The following CDH2 variants were observed in gnomAD, a reference collection of about 807,000 sequenced individuals.
CDH2 encodes the protein cadherin 2.
In CDH2, 17 loss-of-function variants were observed where a neutral mutation model predicts 92.0. That is an observed-to-expected ratio of 0.18 (90% CI 0.13 to 0.28). CDH2 has a LOEUF of 0.28. Among genes scored for constraint, CDH2 ranks in the 10% least tolerant of loss-of-function variants. The pLI is 1.00. For synonymous variants in CDH2, 419 were observed against 415.9 expected (o/e 1.01, Z -0.09); for missense variants, 862 against 1,133.1 (o/e 0.76, Z 3.44).
intron 2 of CDH2, among the ~76,000 whole-genome samples, chr18:28,145,542 A>G (rs922447184): frequency 6.6e-6 from 1 of 152,198 alleles, no homozygotes; most frequent in East Asian, 1.9e-4. Flanking sequence ...ATAGCATTGG[A>G]TTATCCTTCT....
At chr18:28,144,130 G>A (rs903267274) in intron 2 of CDH2, among the ~76,000 whole-genome samples, 4 of 151,158 alleles carry the variant, frequency 2.6e-5, no homozygotes, top group Admixed American at 1.3e-4. Flanking sequence ...AAACCTGCAC[G>A]TTCTGCACAT....
chr18:28,116,019 G>T (rs963885167), intron 2 of CDH2, among the ~76,000 whole-genome samples: 2 of 152,040 alleles, frequency 1.3e-5, no homozygotes, highest in Non-Finnish European at 2.9e-5. Flanking sequence ...GGTGATTTTG[G>T]CTTCTGGTAA....
chr18:27,999,459 G>A (rs1190226334), intron 7 of CDH2, among the ~76,000 whole-genome samples: 7 of 152,102 alleles, frequency 4.6e-5, no homozygotes, highest in Non-Finnish European at 8.8e-5. Flanking sequence ...GGAACTAGGA[G>A]TTGAAGGCAC....
At chr18:28,152,330 T>C (rs1017648175) in intron 1 of CDH2, among the ~76,000 whole-genome samples, 2 of 152,174 alleles carry the variant, frequency 1.3e-5, no homozygotes, top group South Asian at 2.1e-4. Context: ...TCAAGAAACA[T>C]GTACTGAGTG....
Position 28,177,017 on chromosome 18 carries a change from G to A in CDH2, c.6C>T (p.Cys2=), listed in dbSNP as rs766481072. 6.5e-5 allele frequency: 97 copies of A among 1,486,228 alleles called. 2 individuals are homozygous for A. The highest frequency in any genetic ancestry group is 6.4e-5 in the Admixed American group (3 of 47,076). The allele number at this position is 1,486,228 out of a possible 1,614,324, so 92.1% of individuals were successfully genotyped here. Residue 2 remains cysteine, a synonymous_variant, in exon 1 of 16, where the codon TGC becomes TGT. Coordinates refer to ENST00000269141, the MANE Select transcript of CDH2 (RefSeq NM_001792.5). The part of the protein sequence containing the change: M[C]RIAGALRTLL... ...GGGTCCGCAGCGCTCCCGCTATCCG[G>A]CACATGGAGGCGGAGAGGGGCCGAG...
At chr18:28,076,700 C>G (rs1384240144) in intron 2 of CDH2, among the ~76,000 whole-genome samples, 3 of 135,396 alleles carry the variant, frequency 2.2e-5, no homozygotes, top group Non-Finnish European at 3.1e-5. Context: ...CTCCCCCCAC[C>G]CGACGACAGG....
At chr18:27,994,247 T>C (rs2012513311) in intron 7 of CDH2, among the ~76,000 whole-genome samples, 1 of 152,200 alleles carries the variant, frequency 6.6e-6, no homozygotes, top group Non-Finnish European at 1.5e-5. Flanking sequence ...ATTTCCATAG[T>C]CTTCTAACAG....
intron 11 of CDH2, among the ~76,000 whole-genome samples, chr18:27,987,400 T>C (rs2012270273): frequency 6.6e-6 from 1 of 152,186 alleles, no homozygotes; most frequent in Admixed American, 6.5e-5. Context: ...ACTACATAGA[T>C]TTTCTACAGA....
intron 2 of CDH2, among the ~76,000 whole-genome samples, chr18:28,142,501 AC>A (rs1400128126): frequency 6.6e-6 from 1 of 151,890 alleles, no homozygotes; most frequent in African/African-American, 2.4e-5. Flanking sequence ...AAAAAAAAAA[AC>A]AAGAAGGATG....
At chr18:28,031,617 T>C (rs1338836672) in intron 2 of CDH2, among the ~76,000 whole-genome samples, 1 of 152,068 alleles carries the variant, frequency 6.6e-6, no homozygotes, top group Non-Finnish European at 1.5e-5. Context: ...ACAAGCTAAA[T>C]TGGGTCCTGC....
chr18:28,163,272 T>C (rs1293656449), intron 1 of CDH2, among the ~76,000 whole-genome samples: 1 of 152,244 alleles, frequency 6.6e-6, no homozygotes, highest in Non-Finnish European at 1.5e-5. Flanking sequence ...CACATACTGC[T>C]GGCAGACCAG....
At chr18:28,123,773 CCTAA>C (rs775910131) in intron 2 of CDH2, among the ~76,000 whole-genome samples, 7 of 152,076 alleles carry the variant, frequency 4.6e-5, no homozygotes, top group South Asian at 2.1e-4. Flanking sequence ...AGACTAAACC[CCTAA>C]CTGTTTGCAA....
intron 10 of CDH2, 115 bp from the exon 11 acceptor site, chr18:27,988,781 C>T (rs569042144): frequency 7.5e-5 from 54 of 723,320 alleles, no homozygotes; most frequent in Non-Finnish European, 1.1e-4. Context: ...TAGATGATGG[C>T]TGGACATACA....
chr18:28,152,373 C>T (rs6508527), intron 1 of CDH2, among the ~76,000 whole-genome samples: 17,135 of 152,104 alleles, frequency 0.11, 3,184 homozygotes, highest in African/African-American at 0.39. Context: ...AAACAAGATA[C>T]AGCCCCTGCC....
At chr18:28,045,944 T>C (rs554773990) in intron 2 of CDH2, among the ~76,000 whole-genome samples, 4 of 152,212 alleles carry the variant, frequency 2.6e-5, no homozygotes, top group Non-Finnish European at 5.9e-5. Flanking sequence ...TCAGTGACTA[T>C]CACTGGACCG....
chr18:28,068,021 C>A (rs2014542949), intron 2 of CDH2, among the ~76,000 whole-genome samples: 1 of 152,154 alleles, frequency 6.6e-6, no homozygotes, highest in African/African-American at 2.4e-5. Context: ...TACAGTGACA[C>A]CAGTGTAAAA....
intron 2 of CDH2, among the ~76,000 whole-genome samples, chr18:28,111,179 A>C (rs779691668): frequency 1.3e-5 from 2 of 152,206 alleles, no homozygotes; most frequent in Non-Finnish European, 2.9e-5. Context: ...CCAGGGAAGA[A>C]AACAACAGAG....
intron 2 of CDH2, among the ~76,000 whole-genome samples, chr18:28,108,166 G>A (rs1356400908): frequency 1.3e-5 from 2 of 152,058 alleles, no homozygotes; most frequent in African/African-American, 2.4e-5. Flanking sequence ...TTAACAGATA[G>A]GTGTTGAGAG....
At chr18:28,042,237 A>G (rs1403069811) in intron 2 of CDH2, among the ~76,000 whole-genome samples, 1 of 152,214 alleles carries the variant, frequency 6.6e-6, no homozygotes, top group Non-Finnish European at 1.5e-5. Context: ...AAGTTTTTCT[A>G]CTTTTAAAAT....
Sources: allele counts gnomAD v4.1 joint callset (sites outside exome capture counted in the v4.1 genomes callset), GRCh38; gene constraint gnomAD v4.1.1; transcripts MANE v1.5; gene names NCBI Gene and HGNC (gene_info 2026-07-23, HGNC 2026-07-21).